Variants in XIRP2 observed in about 807,000 individuals in gnomAD.
XIRP2 encodes xin actin binding repeat containing 2.
In XIRP2, 236 loss-of-function variants were observed where a neutral mutation model predicts 277.0. The ratio of observed to expected loss-of-function variants is 0.85; its 90% CI spans 0.77 to 0.95. The LOEUF (loss-of-function observed/expected upper bound fraction) is 0.95. Among genes scored for constraint, XIRP2 ranks in the 40% least tolerant of loss-of-function variants. The pLI is 0.00. For synonymous variants in XIRP2, 1,490 were observed against 1,416.5 expected (o/e 1.05, Z -1.17); for missense variants, 4,640 against 4,157.5 (o/e 1.12, Z -3.19).
At chr2:166,916,814 G>T (rs13425942) in intron 2 of XIRP2, among the ~76,000 whole-genome samples, 2,931 of 152,162 alleles carry the variant, frequency 0.019, 93 homozygotes, top group African/African-American at 0.066. Context: ...CTTTCTCATT[G>T]TATAAACTCA....
At chr2:167,117,282 G>T (rs918930332) in intron 2 of XIRP2, among the ~76,000 whole-genome samples, 1 of 151,982 alleles carries the variant, frequency 6.6e-6, no homozygotes, top group Non-Finnish European at 1.5e-5. Flanking sequence ...GGTCACTTTT[G>T]ACTCCTCTGC....
intron 2 of XIRP2, among the ~76,000 whole-genome samples, chr2:167,110,498 T>C (rs1009958355): frequency 2.6e-5 from 4 of 152,210 alleles, no homozygotes; most frequent in Non-Finnish European, 4.4e-5. Flanking sequence ...ACCTTATTTC[T>C]GTACTCTCTA....
chr2:167,244,987 A>C lies in XIRP2; in HGVS notation c.3595A>C (p.Ser1199Arg). The part of the protein sequence containing the change: ...EMDIQAGDVS[S>R]MRYKFENQSL... ...GGATATACAAGCTGGAGATGTTTCC[A>C]GCATGAGGTATAAATTTGAAAATCA... The change falls in exon 9 of 11, where the codon AGC (serine) becomes CGC (arginine). Residue 1199 changes from serine (S) to arginine (R), a missense_variant. Transcript: ENST00000409195. The C allele has an allele frequency of 6.2e-7, 1 of 1,613,450 alleles. No homozygotes were observed.
intron 3 of XIRP2, among the ~76,000 whole-genome samples, chr2:167,190,137 T>A (rs67485531): frequency 2.0e-5 from 3 of 152,168 alleles, no homozygotes; most frequent in Non-Finnish European, 2.9e-5. Context: ...TCTAACGAGC[T>A]ATCCCCAGCA....
chr2:167,054,252 A>T (rs934889383), intron 2 of XIRP2, among the ~76,000 whole-genome samples: 1 of 152,214 alleles, frequency 6.6e-6, no homozygotes, highest in African/African-American at 2.4e-5. Context: ...TTTTTCACAC[A>T]AACAATAATA....
intron 2 of XIRP2, among the ~76,000 whole-genome samples, chr2:166,938,941 C>T (rs991008394): frequency 1.3e-5 from 2 of 152,088 alleles, no homozygotes; most frequent in African/African-American, 2.4e-5. Flanking sequence ...TTTCCATTTG[C>T]TTGGTAGATC....
At chr2:167,236,153 A>G (rs1395927772) in intron 5 of XIRP2, among the ~76,000 whole-genome samples, 1 of 151,960 alleles carries the variant, frequency 6.6e-6, no homozygotes, top group Non-Finnish European at 1.5e-5. Context: ...CTAGTGAGAC[A>G]GTTACCCTCT....
At chr2:166,975,615 A>G (rs1201941244) in intron 2 of XIRP2, among the ~76,000 whole-genome samples, 3 of 152,190 alleles carry the variant, frequency 2.0e-5, no homozygotes, top group Non-Finnish European at 4.4e-5. Context: ...GTGGCTACAT[A>G]GGTATAAATA....
At chr2:166,941,628 T>G (rs1407079369) in intron 2 of XIRP2, among the ~76,000 whole-genome samples, 1 of 152,242 alleles carries the variant, frequency 6.6e-6, no homozygotes, top group Non-Finnish European at 1.5e-5. Flanking sequence ...AATAATTTTA[T>G]GTCTAAGTGT....
chr2:167,257,737 C>T, intron 10 of XIRP2, 120 bp from the exon 11 acceptor site: 2 of 900,512 alleles, frequency 2.2e-6, no homozygotes, highest in Non-Finnish European at 3.3e-6. Context: ...CTAATAGGGC[C>T]ATTCCCATTG....
Position 167,243,725 on chromosome 2 carries a change from C to T in XIRP2, c.2333C>T (p.Pro778Leu), listed in dbSNP as rs200209475. ...GCACGGTGGATGTTTGAAACACAGCCGTTGGACACAATTAACAAAGATATC... is the reference window on the plus strand; with the variant it reads ...GCACGGTGGATGTTTGAAACACAGCTGTTGGACACAATTAACAAAGATATC... The part of the protein sequence containing the change: ...RTARWMFETQ[P>L]LDTINKDITE... The change falls in exon 9 of 11, where the codon CCG (proline) becomes CTG (leucine). Residue 778 changes from proline to leucine, a missense_variant. Physicochemically the swap from Pro to Leu is moderately conservative, Grantham distance 98. Coordinates refer to ENST00000409195, the MANE Select transcript of XIRP2 (RefSeq NM_152381.6). 20 of 1,613,904 alleles carry T rather than the reference C, an allele frequency of 1.2e-5. No homozygotes were observed. The highest frequency in any genetic ancestry group is 4.5e-5 in the East Asian group (2 of 44,848).
At chr2:167,182,125 C>G (rs73027809) in intron 3 of XIRP2, among the ~76,000 whole-genome samples, 29 of 151,796 alleles carry the variant, frequency 1.9e-4, no homozygotes, top group Non-Finnish European at 4.1e-4. Flanking sequence ...TAAATTATAC[C>G]TGATTAAATT....
rs554721299 is a variant in XIRP2 at position 167,197,528 on chromosome 2, A to G, written c.563-13207A>G. The stretch of plus-strand genomic sequence containing the variant: ...AGAAATTTTAGTTCTAGATAAAAAC[A>G]GAAATTTAGTAACCAGTTCTGCAAA... On this transcript the variant is annotated intron_variant, in intron 3 of 10. Coordinates refer to ENST00000409195, the MANE Select transcript of XIRP2 (RefSeq NM_152381.6). Among the ~76,000 whole-genome samples, 36 of 152,294 alleles carry G rather than the reference A, an allele frequency of 2.4e-4. No individual in the cohort carries two copies. The South Asian group carries it at 7.5e-3, about 32-fold the overall frequency.
intron 2 of XIRP2, among the ~76,000 whole-genome samples, chr2:166,988,449 T>G (rs1267116728): frequency 6.6e-6 from 1 of 150,460 alleles, no homozygotes; most frequent in Non-Finnish European, 1.5e-5. Flanking sequence ...TGGGAAAACT[T>G]TAGTTGGAGG....
At chr2:167,109,787 A>G (rs1216017766) in intron 2 of XIRP2, among the ~76,000 whole-genome samples, 3 of 152,140 alleles carry the variant, frequency 2.0e-5, no homozygotes, top group African/African-American at 7.2e-5. Context: ...TTACAATCTC[A>G]CCAGCAGTGT....
chr2:166,931,393 C>T (rs189147771), intron 2 of XIRP2, among the ~76,000 whole-genome samples: 1 of 152,240 alleles, frequency 6.6e-6, no homozygotes, highest in East Asian at 1.9e-4. Flanking sequence ...AAAATTTTGT[C>T]TCAAGACCTT....
chr2:167,023,766 A>G (rs1001614073), intron 2 of XIRP2, among the ~76,000 whole-genome samples: 5 of 152,112 alleles, frequency 3.3e-5, no homozygotes, highest in African/African-American at 1.2e-4. Context: ...AGATGGTTGT[A>G]GATATGCGGC....
At chr2:167,053,573 T>C (rs965753825) in intron 2 of XIRP2, among the ~76,000 whole-genome samples, 2 of 152,198 alleles carry the variant, frequency 1.3e-5, no homozygotes, top group African/African-American at 4.8e-5. Flanking sequence ...GAAAACTAAG[T>C]GCAAATTCTG....
At chr2:167,151,333 T>C (rs1259183978) in intron 3 of XIRP2, among the ~76,000 whole-genome samples, 1 of 152,018 alleles carries the variant, frequency 6.6e-6, no homozygotes, top group Admixed American at 6.6e-5. Context: ...GGCCATAGAA[T>C]AGAATAAGAA....
Sources: allele counts gnomAD v4.1 joint callset (sites outside exome capture counted in the v4.1 genomes callset), GRCh38; gene constraint gnomAD v4.1.1; transcripts MANE v1.5; gene names NCBI Gene and HGNC (gene_info 2026-07-23, HGNC 2026-07-21).